The following NRXN3 variants were observed in gnomAD, a reference collection of about 807,000 sequenced individuals.
NRXN3 encodes neurexin III.
Under a neutral mutation model 137.6 loss-of-function variants are expected in NRXN3, and 32 were observed. The ratio of observed to expected loss-of-function variants is 0.23; its 90% CI spans 0.18 to 0.31. The LOEUF is 0.31. Ranked by LOEUF, NRXN3 falls within the 10% of genes least tolerant of loss-of-function variation. The pLI, the probability that NRXN3 is intolerant of heterozygous loss-of-function variation, is 1.00. For missense variants in NRXN3, 1,574 were observed against 2,062.5 expected (o/e 0.76, Z 4.59); for synonymous variants, 798 against 784.5 (o/e 1.02, Z -0.29).
chr14:79,156,214 G>A (rs187684202), intron 15 of NRXN3, among the ~76,000 whole-genome samples: 19 of 151,916 alleles, frequency 1.3e-4, no homozygotes, highest in East Asian at 7.8e-4. Context: ...TAGAGTAACC[G>A]TTTTACAGAT....
At chr14:78,819,431 T>C (rs1349086709) in intron 10 of NRXN3, among the ~76,000 whole-genome samples, 1 of 152,206 alleles carries the variant, frequency 6.6e-6, no homozygotes. Flanking sequence ...TACATTGTGT[T>C]AAATATTATA....
chr14:78,661,716 C>T (rs2097843221), intron 6 of NRXN3, among the ~76,000 whole-genome samples: 1 of 152,226 alleles, frequency 6.6e-6, no homozygotes, highest in Non-Finnish European at 1.5e-5. Flanking sequence ...CAAAGCCTAA[C>T]TCTACTCCCA....
At chr14:79,611,257 A>G (rs1171049746) in intron 16 of NRXN3, among the ~76,000 whole-genome samples, 1 of 152,236 alleles carries the variant, frequency 6.6e-6, no homozygotes, top group African/African-American at 2.4e-5. Context: ...TGAGAAAGGT[A>G]AGGTAAAAAT....
intron 20 of NRXN3, among the ~76,000 whole-genome samples, chr14:79,854,411 T>A (rs1309718142): frequency 6.6e-6 from 1 of 152,192 alleles, no homozygotes; most frequent in African/African-American, 2.4e-5. Flanking sequence ...GCTACGAAGT[T>A]GATTTTATTT....
chr14:78,689,437 T>C (rs2098150973), intron 6 of NRXN3, among the ~76,000 whole-genome samples: 1 of 152,178 alleles, frequency 6.6e-6, no homozygotes, highest in African/African-American at 2.4e-5. Context: ...TGAGTACTTA[T>C]TAAATGCTTA....
intron 2 of NRXN3, among the ~76,000 whole-genome samples, chr14:78,267,460 T>C (rs188400178): frequency 5.3e-4 from 80 of 152,140 alleles, no homozygotes; most frequent in African/African-American, 1.8e-3. Flanking sequence ...GGGAAGCTGA[T>C]GTGGGAGGAT....
intron 2 of NRXN3, among the ~76,000 whole-genome samples, chr14:78,267,139 G>T (rs1291547512): frequency 6.6e-6 from 1 of 152,156 alleles, no homozygotes; most frequent in Non-Finnish European, 1.5e-5. Context: ...AAAGAACAGG[G>T]AATTAGTATG....
At position 79,868,137 on chromosome 14, in the gene NRXN3, A is replaced by G. The variant is rs929158095; in HGVS notation, c.*6173A>G. On this transcript the variant is annotated 3_prime_UTR_variant, in exon 21 of 21. Transcript: ENST00000335750. Reference sequence around the variant, plus strand: ...ATGAAATAATTCATGTGAAATGCTTAACATATGTGTGACAAATAATTATCC... The same window carrying G: ...ATGAAATAATTCATGTGAAATGCTTGACATATGTGTGACAAATAATTATCC... 5.3e-5 allele frequency: 8 copies of G among 152,204 alleles called. No individual in the cohort carries two copies. Among genetic ancestry groups the G allele is most frequent in the Non-Finnish European group, 1.2e-4 (8 of 68,040 alleles). The allele number at this position is 152,204 out of a possible 1,614,324, so 9.4% of individuals were successfully genotyped here.
chr14:79,723,862 AG>A (rs751386911), intron 19 of NRXN3, among the ~76,000 whole-genome samples: 4 of 152,112 alleles, frequency 2.6e-5, no homozygotes, highest in African/African-American at 4.8e-5. Flanking sequence ...GGAGCTGACA[AG>A]GGCGAGCAGT....
At chr14:79,398,248 T>C (rs573579523) in intron 15 of NRXN3, among the ~76,000 whole-genome samples, 4 of 152,302 alleles carry the variant, frequency 2.6e-5, no homozygotes, top group African/African-American at 9.6e-5. Context: ...TGGCTTGGTA[T>C]CTGGTAAAAT....
At chr14:79,445,836 G>A (rs1567149235) in intron 15 of NRXN3, among the ~76,000 whole-genome samples, 1 of 152,170 alleles carries the variant, frequency 6.6e-6, no homozygotes, top group Non-Finnish European at 1.5e-5. Context: ...GGCCTTTGGG[G>A]CTGTTGTAAA....
intron 15 of NRXN3, among the ~76,000 whole-genome samples, chr14:79,236,159 A>G (rs764634983): frequency 6.6e-6 from 1 of 152,150 alleles, no homozygotes; most frequent in Non-Finnish European, 1.5e-5. Flanking sequence ...ATATTTATAA[A>G]CCAGAGATGT....
chr14:78,793,133 C>T (rs1043112486), intron 8 of NRXN3, among the ~76,000 whole-genome samples: 2 of 151,960 alleles, frequency 1.3e-5, no homozygotes, highest in Non-Finnish European at 2.9e-5. Flanking sequence ...AATATATACA[C>T]CTATATTATT....
intron 15 of NRXN3, among the ~76,000 whole-genome samples, chr14:79,336,601 T>A (rs1264471357): frequency 1.3e-5 from 2 of 152,224 alleles, no homozygotes; most frequent in African/African-American, 2.4e-5. Flanking sequence ...TAATTTGGGC[T>A]GGCTGTCCTT....
At chr14:78,205,964 G>A (rs1269797100) in intron 1 of NRXN3, among the ~76,000 whole-genome samples, 1 of 152,168 alleles carries the variant, frequency 6.6e-6, no homozygotes, top group Non-Finnish European at 1.5e-5. Context: ...GATAGAAAGG[G>A]GTAGGCAGGC....
Position 78,598,742 on chromosome 14 carries a change from G to A in NRXN3, c.758-46378G>A, listed in dbSNP as rs117299130. On this transcript the variant is annotated intron_variant, in intron 4 of 20. Coordinates refer to ENST00000335750, the MANE Select transcript of NRXN3 (RefSeq NM_001330195.2). ...TTGTAGCAGAGGGAGCCAATATCTC[G>A]GTAATTGGCTAAGGTTTGCAGAGGA... 4.6e-3 allele frequency among the ~76,000 whole-genome samples: 695 copies of A among 152,320 alleles called. 4 individuals carry two copies. The highest frequency in any genetic ancestry group is 7.2e-3 in the Non-Finnish European group (493 of 68,028).
At chr14:78,797,486 TAAAG>T (rs1239918269) in intron 8 of NRXN3, among the ~76,000 whole-genome samples, 2 of 152,160 alleles carry the variant, frequency 1.3e-5, no homozygotes, top group Non-Finnish European at 2.9e-5. Context: ...GCTTAAAAAT[TAAAG>T]GAGAATGAGA....
chr14:79,093,592 G>C (rs2049626541), intron 15 of NRXN3, among the ~76,000 whole-genome samples: 1 of 152,154 alleles, frequency 6.6e-6, no homozygotes, highest in Admixed American at 6.5e-5. Context: ...GTCATTTCTT[G>C]CTTTCTGCGA....
intron 4 of NRXN3, among the ~76,000 whole-genome samples, chr14:78,417,483 C>T (rs1011385043): frequency 1.4e-4 from 21 of 152,216 alleles, no homozygotes; most frequent in African/African-American, 4.8e-4. Context: ...TCACTTCTCA[C>T]ATAGCATTAT....
Sources: allele counts gnomAD v4.1 joint callset (sites outside exome capture counted in the v4.1 genomes callset), GRCh38; gene constraint gnomAD v4.1.1; transcripts MANE v1.5; gene names NCBI Gene and HGNC (gene_info 2026-07-23, HGNC 2026-07-21).